MGMT: variants seen among roughly 807,000 people sequenced by gnomAD.
The protein encoded by MGMT is methylated-DNA--protein-cysteine methyltransferase.
MGMT carries 14 observed loss-of-function variants against 15.9 expected under a neutral mutation model. The observed-to-expected ratio is 0.88, with a 90% CI of 0.58 to 1.37. The LOEUF (loss-of-function observed/expected upper bound fraction) is 1.37. MGMT is among the 40% of genes most tolerant of loss of function. MGMT has a pLI of 0.00. For missense variants in MGMT, 282 were observed against 268.1 expected, an observed-to-expected ratio of 1.05 and a Z score of -0.36; for synonymous variants, 130 against 118.2, an observed-to-expected ratio of 1.10 and a Z score of -0.65.
chr10:129,672,676 AT>A (rs34314179), intron 2 of MGMT, among the ~76,000 whole-genome samples: 2 of 151,954 alleles, frequency 1.3e-5, no homozygotes, highest in African/African-American at 4.8e-5. Flanking sequence ...TAGTATTTTC[AT>A]TTTTTTAAAT....
intron 1 of MGMT, among the ~76,000 whole-genome samples, chr10:129,475,517 T>C (rs991819491): frequency 7.2e-5 from 11 of 152,318 alleles, no homozygotes; most frequent in African/African-American, 2.4e-4. Context: ...TGAATTTAGC[T>C]AGCTAGCCCA....
chr10:129,756,988 C>T (rs1414794430), intron 3 of MGMT, among the ~76,000 whole-genome samples: 1 of 152,240 alleles, frequency 6.6e-6, no homozygotes, highest in Non-Finnish European at 1.5e-5. Context: ...TCTGCACAGG[C>T]TAGGGTTCGA....
intron 1 of MGMT, among the ~76,000 whole-genome samples, chr10:129,490,379 T>G (rs1039670829): frequency 3.9e-5 from 6 of 152,196 alleles, no homozygotes; most frequent in Non-Finnish European, 8.8e-5. Context: ...GGGATGAACA[T>G]TACTTGGCCA....
At chr10:129,589,458 G>A (rs1846656531) in intron 2 of MGMT, among the ~76,000 whole-genome samples, 1 of 152,232 alleles carries the variant, frequency 6.6e-6, no homozygotes, top group Non-Finnish European at 1.5e-5. Context: ...TGGATTCTCA[G>A]TCGCATTGTG....
chr10:129,637,385 C>T (rs930220619), intron 2 of MGMT, among the ~76,000 whole-genome samples: 3 of 152,128 alleles, frequency 2.0e-5, no homozygotes, highest in Non-Finnish European at 4.4e-5. Context: ...GTAATGGAGA[C>T]GACTTGGGAT....
chr10:129,621,542 T>A (rs1847090663), intron 2 of MGMT, among the ~76,000 whole-genome samples: 1 of 152,146 alleles, frequency 6.6e-6, no homozygotes, highest in Non-Finnish European at 1.5e-5. Context: ...TTGGAAAGGA[T>A]GGGGAACAGG....
intron 3 of MGMT, among the ~76,000 whole-genome samples, chr10:129,735,016 A>T (rs1487289889): frequency 2.6e-5 from 4 of 152,076 alleles, no homozygotes; most frequent in African/African-American, 9.7e-5. Context: ...ATTGGTCTAA[A>T]ATTCTCTTTT....
chr10:129,751,132 A>G (rs1437050431), intron 3 of MGMT, among the ~76,000 whole-genome samples: 1 of 152,052 alleles, frequency 6.6e-6, no homozygotes, highest in Non-Finnish European at 1.5e-5. Context: ...TTTTTAAAAC[A>G]TTTTATAGAA....
intron 2 of MGMT, among the ~76,000 whole-genome samples, chr10:129,558,280 A>G (rs1027825817): frequency 1.3e-5 from 2 of 152,218 alleles, no homozygotes; most frequent in East Asian, 1.9e-4. Context: ...GGAAATCCTC[A>G]TTGAAATACT....
chr10:129,703,582 C>T (rs1178608420), intron 2 of MGMT, among the ~76,000 whole-genome samples: 1 of 152,172 alleles, frequency 6.6e-6, no homozygotes, highest in African/African-American at 2.4e-5. Flanking sequence ...GTGCATGCCT[C>T]GCCAACCAAT....
intron 2 of MGMT, among the ~76,000 whole-genome samples, chr10:129,698,309 T>A (rs1848055705): frequency 6.6e-6 from 1 of 152,208 alleles, no homozygotes; most frequent in African/African-American, 2.4e-5. Context: ...GAAGCCCATG[T>A]CCAGGCATGC....
intron 3 of MGMT, among the ~76,000 whole-genome samples, chr10:129,752,337 A>C (rs1380846123): frequency 6.6e-6 from 1 of 151,648 alleles, no homozygotes; most frequent in East Asian, 1.9e-4. Context: ...ATCTTTTTCT[A>C]TCCGTTTACT....
intron 3 of MGMT, among the ~76,000 whole-genome samples, chr10:129,756,414 G>A (rs1366979298): frequency 1.3e-5 from 2 of 152,234 alleles, no homozygotes; most frequent in African/African-American, 4.8e-5. Context: ...AGGTCTCGGG[G>A]CTGCCCTCTG....
chr10:129,472,492 C>T (rs868152803), intron 1 of MGMT, among the ~76,000 whole-genome samples: 3 of 152,238 alleles, frequency 2.0e-5, no homozygotes, highest in Middle Eastern at 3.4e-3. Flanking sequence ...CAGTCCAATC[C>T]GAATCTGTAT....
intron 3 of MGMT, among the ~76,000 whole-genome samples, chr10:129,751,787 A>G (rs1848753006): frequency 6.6e-6 from 1 of 151,908 alleles, no homozygotes. Context: ...TAGAAGTGAT[A>G]TGTTTACTGT....
chr10:129,565,619 G>A (rs1032430548), intron 2 of MGMT, among the ~76,000 whole-genome samples: 2 of 152,164 alleles, frequency 1.3e-5, no homozygotes, highest in African/African-American at 4.8e-5. Flanking sequence ...TACACGGTGT[G>A]TACATGCGCA....
In MGMT at chr10:129,486,669, A is replaced by G. The variant is rs533019606; in HGVS notation, c.-13+19373A>G. Among the ~76,000 whole-genome samples the G allele has an allele frequency of 9.3e-4, 142 of 152,342 alleles. 1 individual carries two copies. Among genetic ancestry groups the G allele is most frequent in the African/African-American group, 2.4e-3 (99 of 41,586 alleles). ...TTTATTTGTATTTCTACTCTGAAGA[A>G]GGACTGTTCAAACTTTATATGGAGG... On this transcript the variant is annotated intron_variant, in intron 1 of 4. Transcript: ENST00000651593.
intron 3 of MGMT, among the ~76,000 whole-genome samples, chr10:129,756,067 G>A (rs537751601): frequency 1.7e-4 from 26 of 152,324 alleles, no homozygotes; most frequent in African/African-American, 2.6e-4. Flanking sequence ...GATTTCTCCC[G>A]TGACCAGCAT....
chr10:129,605,850 T>C (rs1374102830), intron 2 of MGMT, among the ~76,000 whole-genome samples: 4 of 152,036 alleles, frequency 2.6e-5, no homozygotes, highest in Admixed American at 2.0e-4. Flanking sequence ...CCCGTTGTGC[T>C]GTGTGTGTGT....
Sources: gnomAD v4.1 joint callset for allele counts (sites outside exome capture counted in the v4.1 genomes callset) on GRCh38, gnomAD v4.1.1 for gene constraint, MANE v1.5 for transcripts, NCBI Gene and HGNC (gene_info 2026-07-23, HGNC 2026-07-21) for gene names.